Variants in DUXA observed in about 807,000 individuals in gnomAD.
DUXA encodes the protein double homeobox protein A.
DUXA carries 25 observed loss-of-function variants against 27.5 expected under a neutral mutation model. The observed-to-expected ratio is 0.91, with a 90% CI of 0.66 to 1.27. The LOEUF (loss-of-function observed/expected upper bound fraction) is 1.27, where lower values mean the gene tolerates loss of function less well. DUXA is among the 50% of genes most tolerant of loss of function. DUXA has a pLI of 0.00. For synonymous variants in DUXA, 90 were observed against 80.5 expected (o/e 1.12, Z -0.63); for missense variants, 247 against 242.9 (o/e 1.02, Z -0.11).
At chr19:57,166,351 C>G (rs559193259) in intron 1 of DUXA, among the ~76,000 whole-genome samples, 1 of 152,290 alleles carries the variant, frequency 6.6e-6, no homozygotes, top group African/African-American at 2.4e-5. Context: ...CGCTCTCTGG[C>G]CCAGGCTGAG....
intron 4 of DUXA, among the ~76,000 whole-genome samples, chr19:57,157,341 T>A (rs1234317568): frequency 2.6e-5 from 4 of 152,054 alleles, no homozygotes; most frequent in African/African-American, 4.8e-5. Context: ...CCTCATAATT[T>A]TTTTTTTCAA....
intron 1 of DUXA, 88 bp downstream of exon 1, chr19:57,167,331 T>C: frequency 6.5e-7 from 1 of 1,534,308 alleles, no homozygotes; most frequent in Middle Eastern, 1.7e-4. Context: ...AAAATGGAAC[T>C]CTCACAACTT....
chr19:57,155,015 T>C (rs906912070), intron 5 of DUXA, among the ~76,000 whole-genome samples: 3 of 152,230 alleles, frequency 2.0e-5, no homozygotes, highest in Admixed American at 6.5e-5. Context: ...TACCAGGCAC[T>C]GGGGATACAA....
Position 57,167,459 on chromosome 19 carries a change from T to C in DUXA, c.-16A>G. On this transcript the variant is annotated 5_prime_UTR_variant, in exon 1 of 6. Transcript: ENST00000554048. ...CTTCGGCCATGCTGGAAGAGAGTCC[T>C]GAAGGCTGAGCCACTGTCTGGGAGA... The C allele has an allele frequency of 6.2e-7, 1 of 1,613,140 alleles. No homozygotes were observed. The highest frequency in any genetic ancestry group is 8.5e-7 in the Non-Finnish European group (1 of 1,179,718).
Position 57,159,225 on chromosome 19 carries a change from A to G in DUXA, c.234T>C (p.Ala78=). Residue 78 remains alanine (A), a synonymous_variant, in exon 3 of 6, where the codon GCT becomes GCC. Coordinates refer to ENST00000554048, the MANE Select transcript of DUXA (RefSeq NM_001012729.2). ...GGCTCTGGCTTGATTCTAAAGTCTCAGCTTCTGGTCTTTTCTGGAATCCGT... is the reference window on the plus strand; with the variant it reads ...GGCTCTGGCTTGATTCTAAAGTCTCGGCTTCTGGTCTTTTCTGGAATCCGT... ...ARHGFQKRPE[A]ETLESSQSQG... is the part of the protein sequence containing the mutation. The G allele has an allele frequency of 6.2e-7, 1 of 1,614,148 alleles. No individual in the cohort carries two copies. Among genetic ancestry groups the G allele is most frequent in the African/African-American group, 1.3e-5 (1 of 75,040 alleles).
intron 3 of DUXA, among the ~76,000 whole-genome samples, chr19:57,158,816 C>T (rs996168874): frequency 1.3e-5 from 2 of 152,168 alleles, no homozygotes; most frequent in African/African-American, 4.8e-5. Context: ...AACCTCGTCT[C>T]TACTAAAAGT....
intron 4 of DUXA, 122 bp downstream of exon 4, chr19:57,158,206 A>C: frequency 9.0e-7 from 1 of 1,116,970 alleles, no homozygotes; most frequent in Non-Finnish European, 1.3e-6. Flanking sequence ...CAGACAGGGA[A>C]CAGCTGTGAA....
intron 1 of DUXA, among the ~76,000 whole-genome samples, chr19:57,165,601 C>T (rs886090366): frequency 4.6e-5 from 7 of 151,426 alleles, no homozygotes; most frequent in Admixed American, 6.6e-5. Flanking sequence ...GTCAGGAGAT[C>T]GAGACCATCC....
At chr19:57,162,795 C>T (rs773536600) in intron 1 of DUXA, among the ~76,000 whole-genome samples, 7 of 152,056 alleles carry the variant, frequency 4.6e-5, no homozygotes, top group African/African-American at 1.2e-4. Context: ...AGACTGGTCT[C>T]GAACTCCTGA....
chr19:57,154,628 A>G (rs1008991957), intron 5 of DUXA, 146 bp from the exon 6 acceptor site: 13 of 567,504 alleles, frequency 2.3e-5, no homozygotes, highest in Non-Finnish European at 8.9e-6. Flanking sequence ...CGGTGGCGCG[A>G]TCTCGGCTCA....
rs71186230 is a variant in DUXA, at chr19:57,161,324, C to CAAAAAAA, written c.26-534_26-528dup. Among the ~76,000 whole-genome samples, 31 of 47,356 alleles carry CAAAAAAA rather than the reference C, an allele frequency of 6.5e-4. 2 individuals carry two copies. The highest frequency in any genetic ancestry group is 1.9e-3 in the Admixed American group (6 of 3,182). 31.1% of individuals were successfully genotyped at this position (47,356 alleles called of 152,430 possible). A position where few individuals can be genotyped will look rare whatever the true frequency, so the allele number is the denominator to read the frequency against. On this transcript the variant is annotated intron_variant, in intron 1 of 5. Coordinates refer to ENST00000554048, the MANE Select transcript of DUXA (RefSeq NM_001012729.2). ...TGGGTAACAGAGTGAGACTCTATCT[C>CAAAAAAA]AAAAAAAAAAAAAAAAAAACTGGGC...
chr19:57,157,003 A>C (rs1443310605), intron 4 of DUXA, among the ~76,000 whole-genome samples: 3 of 152,172 alleles, frequency 2.0e-5, no homozygotes, highest in Non-Finnish European at 2.9e-5. Flanking sequence ...GTTAAGTTTC[A>C]ACATTGGTTT....
chr19:57,156,700 T>C (rs946680243), intron 4 of DUXA, among the ~76,000 whole-genome samples: 2 of 152,170 alleles, frequency 1.3e-5, no homozygotes, highest in South Asian at 4.1e-4. Context: ...GTTTCGCCCT[T>C]GTTGCCCAGG....
Position 57,154,233 on chromosome 19 carries a change from C to A in DUXA, c.*179G>T. 1 of 549,240 alleles carries A rather than the reference C, an allele frequency of 1.8e-6. No individual in the cohort carries two copies. 34.0% of individuals were successfully genotyped at this position (549,240 alleles called of 1,614,324 possible). ...AAACTCCTGAGCTCAAGCAATCTTC[C>A]TGCCTTGGCCTCCCAAAGTAGTGGG... On this transcript the variant is annotated 3_prime_UTR_variant, in exon 6 of 6. Transcript: ENST00000554048.
At chr19:57,155,674 T>TAGATAGATAGATA (rs887562063) in intron 4 of DUXA, among the ~76,000 whole-genome samples, 4 of 151,678 alleles carry the variant, frequency 2.6e-5, no homozygotes, top group African/African-American at 9.7e-5. Context: ...GATAGATAGA[T>TAGATAGATAGATA]ACTTTTTTTT....
chr19:57,162,419 C>T (rs1328271936), intron 1 of DUXA, among the ~76,000 whole-genome samples: 2 of 152,100 alleles, frequency 1.3e-5, no homozygotes, highest in Non-Finnish European at 2.9e-5. Flanking sequence ...TTGGAAGATA[C>T]CATTTCGTAA....
At chr19:57,159,339 C>T (rs922088494) in intron 2 of DUXA, 61 bp from the exon 3 acceptor site, 2 of 1,467,140 alleles carry the variant, frequency 1.4e-6, no homozygotes, top group Admixed American at 1.8e-5. Context: ...TACATCACTG[C>T]CTGTTCCCAA....
At chr19:57,160,297 G>C (rs2087013976) in intron 2 of DUXA, among the ~76,000 whole-genome samples, 1 of 152,120 alleles carries the variant, frequency 6.6e-6, no homozygotes, top group Non-Finnish European at 1.5e-5. Context: ...AAAAGATTGG[G>C]CATTCAGCAT....
intron 4 of DUXA, among the ~76,000 whole-genome samples, chr19:57,156,719 C>T (rs1187074809): frequency 6.6e-6 from 1 of 152,160 alleles, no homozygotes; most frequent in Non-Finnish European, 1.5e-5. Flanking sequence ...GGCTGAATTG[C>T]AGTGGCGTGA....
Sources: allele counts gnomAD v4.1 joint callset (sites outside exome capture counted in the v4.1 genomes callset), GRCh38; gene constraint gnomAD v4.1.1; transcripts MANE v1.5; gene names NCBI Gene and HGNC (gene_info 2026-07-23, HGNC 2026-07-21).